The following LY86 variants were observed in gnomAD, a reference collection of about 807,000 sequenced individuals.
LY86 encodes lymphocyte antigen 86, also known as MD-1, RP105-associated.
LY86 carries 20 observed loss-of-function variants against 17.3 expected under a neutral mutation model. The ratio of observed to expected loss-of-function variants is 1.15; its 90% CI spans 0.81 to 1.68. The LOEUF (loss-of-function observed/expected upper bound fraction) is 1.68, where lower values mean the gene tolerates loss of function less well. LY86 is among the 40% of genes most tolerant of loss of function. LY86 has a pLI of 0.00. For missense variants in LY86, 200 were observed against 191.9 expected, an observed-to-expected ratio of 1.04 and a Z score of -0.25; for synonymous variants, 74 against 70.6, an observed-to-expected ratio of 1.05 and a Z score of -0.24.
In LY86 at chr6:6,649,614, T is replaced by C; in HGVS notation, c.353-11T>C. On this transcript the variant is annotated splice_polypyrimidine_tract_variant and intron_variant, in intron 3 of 4. Transcript: ENST00000230568. Reference sequence around the variant, plus strand: ...TGAATAACATCATCTATGCTTTATATATTTTTTCAGAGCAGATTTACTATG... The same window carrying C: ...TGAATAACATCATCTATGCTTTATACATTTTTTCAGAGCAGATTTACTATG... 1 of 1,520,404 alleles carries C rather than the reference T, an allele frequency of 6.6e-7. No individual in the cohort carries two copies. The highest frequency in any genetic ancestry group is 1.4e-5 in the African/African-American group (1 of 72,744). 94.2% of individuals were successfully genotyped at this position (1,520,404 alleles called of 1,614,324 possible). A position where few individuals can be genotyped will look rare whatever the true frequency, so the allele number is the denominator to read the frequency against.
At chr6:6,593,571 G>A (rs1405058924) in intron 1 of LY86, among the ~76,000 whole-genome samples, 1 of 152,248 alleles carries the variant, frequency 6.6e-6, no homozygotes, top group Non-Finnish European at 1.5e-5. Flanking sequence ...AGCACATACT[G>A]TGCACTCAAT....
intron 1 of LY86, among the ~76,000 whole-genome samples, chr6:6,605,976 G>T (rs969317601): frequency 6.6e-6 from 1 of 152,046 alleles, no homozygotes; most frequent in Non-Finnish European, 1.5e-5. Context: ...CCCAAAGAGC[G>T]ACCACCAGCA....
chr6:6,595,302 A>G (rs969217695), intron 1 of LY86, among the ~76,000 whole-genome samples: 21 of 127,748 alleles, frequency 1.6e-4, no homozygotes, highest in East Asian at 6.6e-4. Context: ...AGAAGAGGAG[A>G]AGGAGGAGGA....
chr6:6,590,466 G>A (rs943930031), intron 1 of LY86, among the ~76,000 whole-genome samples: 1 of 152,108 alleles, frequency 6.6e-6, no homozygotes, highest in African/African-American at 2.4e-5. Context: ...TTGGACTGCA[G>A]TTGGCTGAGA....
At chr6:6,633,416 G>A (rs544895245) in intron 3 of LY86, among the ~76,000 whole-genome samples, 2 of 152,174 alleles carry the variant, frequency 1.3e-5, no homozygotes, top group East Asian at 1.9e-4. Flanking sequence ...TCTATTTTAA[G>A]TTCAGGGGTA....
intron 1 of LY86, 105 bp from the exon 2 acceptor site, chr6:6,624,821 A>G: frequency 1.6e-6 from 1 of 625,328 alleles, no homozygotes; most frequent in Non-Finnish European, 2.9e-6. Context: ...TATGCTTTTG[A>G]ATAAATGTAG....
In LY86 at chr6:6,605,790, C is replaced by T. The variant is rs551087916; in HGVS notation, c.136+16920C>T. 8.2e-4 allele frequency among the ~76,000 whole-genome samples: 125 copies of T among 152,300 alleles called. 1 individual carries two copies. The highest frequency in any genetic ancestry group is 2.7e-3 in the African/African-American group (114 of 41,558). On this transcript the variant is annotated intron_variant, in intron 1 of 4. Coordinates refer to ENST00000230568, the MANE Select transcript of LY86 (RefSeq NM_004271.4). ...TCTGATGCTGGGATGTGTTCAGTTT[C>T]TTCCTTTTGGTGGGGTTCGTGGTCT...
At chr6:6,613,192 C>CT (rs1761437453) in intron 1 of LY86, among the ~76,000 whole-genome samples, 1 of 152,128 alleles carries the variant, frequency 6.6e-6, no homozygotes, top group Non-Finnish European at 1.5e-5. Flanking sequence ...TCCCACCAGA[C>CT]TCAGGAGCCC....
intron 1 of LY86, among the ~76,000 whole-genome samples, chr6:6,619,050 T>TTA (rs1028981924): frequency 7.2e-5 from 11 of 152,206 alleles, no homozygotes; most frequent in Non-Finnish European, 1.2e-4. Flanking sequence ...TACTGAAGCC[T>TTA]TATGCATCAT....
chr6:6,606,567 AGC>A (rs1761159246), intron 1 of LY86, among the ~76,000 whole-genome samples: 1 of 152,110 alleles, frequency 6.6e-6, no homozygotes. Flanking sequence ...GAGCCCACGG[AGC>A]GGGGGGAGGC....
intron 1 of LY86, among the ~76,000 whole-genome samples, chr6:6,600,277 CA>C (rs1431802541): frequency 6.6e-6 from 1 of 152,090 alleles, no homozygotes; most frequent in Non-Finnish European, 1.5e-5. Flanking sequence ...ATAACCATGA[CA>C]GGGGATGCCT....
intron 1 of LY86, among the ~76,000 whole-genome samples, chr6:6,606,551 G>A (rs1241120856): frequency 1.3e-5 from 2 of 152,312 alleles, no homozygotes; most frequent in African/African-American, 2.4e-5. Flanking sequence ...GGCTTGGGCG[G>A]CACAGGAGCC....
intron 1 of LY86, among the ~76,000 whole-genome samples, chr6:6,622,171 T>C (rs765026577): frequency 1.3e-5 from 2 of 152,240 alleles, no homozygotes; most frequent in African/African-American, 2.4e-5. Context: ...GTGACTTTGT[T>C]CTTTATTGAG....
At chr6:6,629,440 G>A (rs1176920094) in intron 3 of LY86, among the ~76,000 whole-genome samples, 1 of 152,174 alleles carries the variant, frequency 6.6e-6, no homozygotes, top group African/African-American at 2.4e-5. Flanking sequence ...GAGAACTAAA[G>A]TCAATCCAAA....
chr6:6,612,307 A>G (rs909791), intron 1 of LY86, among the ~76,000 whole-genome samples: 144,949 of 152,314 alleles, frequency 0.95, 69,076 homozygotes, highest in East Asian at 1. Flanking sequence ...GGCCTTGCTA[A>G]CTTCAGGCGT....
intron 1 of LY86, among the ~76,000 whole-genome samples, chr6:6,600,490 TGAGGCAGGGGAATCGCTTGAACCCGG>T (rs1005770662): frequency 2.0e-5 from 3 of 146,664 alleles, no homozygotes; most frequent in African/African-American, 7.7e-5. Flanking sequence ...ACTCAGAGGC[TGAGGCAGGGGAATCGCTTGAACCCGG>T]GAGGCAGAGG....
intron 1 of LY86, among the ~76,000 whole-genome samples, chr6:6,605,003 T>A (rs1222781903): frequency 6.6e-6 from 1 of 151,102 alleles, no homozygotes; most frequent in East Asian, 2.0e-4. Flanking sequence ...TATAGTTAAG[T>A]CATTCAATAG....
intron 3 of LY86, among the ~76,000 whole-genome samples, chr6:6,635,499 A>C (rs1223856012): frequency 2.0e-5 from 3 of 151,892 alleles, no homozygotes; most frequent in Non-Finnish European, 2.9e-5. Flanking sequence ...GCCACAGTTG[A>C]CCACAGGTAA....
intron 1 of LY86, among the ~76,000 whole-genome samples, chr6:6,613,101 C>T (rs566987434): frequency 2.0e-4 from 31 of 151,820 alleles, no homozygotes; most frequent in Admixed American, 7.2e-4. Flanking sequence ...TGGATTGGTG[C>T]ATTCACAAAC....
Sources: allele counts gnomAD v4.1 joint callset (sites outside exome capture counted in the v4.1 genomes callset), GRCh38; gene constraint gnomAD v4.1.1; transcripts MANE v1.5; gene names NCBI Gene and HGNC (gene_info 2026-07-23, HGNC 2026-07-21).